Variants in LHFPL6 observed in about 807,000 individuals in gnomAD.
LHFPL6 encodes the protein LHFPL tetraspan subfamily member 6, also known as LHFPL tetraspan subfamily member 6 protein.
Under a neutral mutation model 20.6 loss-of-function variants are expected in LHFPL6, and 9 were observed. The observed-to-expected ratio is 0.44, with a 90% CI of 0.26 to 0.76. The LOEUF (loss-of-function observed/expected upper bound fraction) is 0.76. Among genes scored for constraint, LHFPL6 ranks in the 30% least tolerant of loss-of-function variants. The pLI, the probability that LHFPL6 is intolerant of heterozygous loss-of-function variation, is 0.20. For missense variants in LHFPL6, 218 were observed against 253.5 expected, an observed-to-expected ratio of 0.86 and a Z score of 0.95; for synonymous variants, 105 against 98.7, an observed-to-expected ratio of 1.06 and a Z score of -0.38.
At chr13:39,415,501 A>G (rs1203014284) in intron 2 of LHFPL6, among the ~76,000 whole-genome samples, 2 of 8,448 alleles carry the variant, frequency 2.4e-4, no homozygotes, top group Admixed American at 1.2e-3. Context: ...AAAAATACTG[A>G]AAAAAAAAAA....
intron 2 of LHFPL6, among the ~76,000 whole-genome samples, chr13:39,558,315 G>T (rs1026943366): frequency 6.6e-6 from 1 of 152,094 alleles, no homozygotes; most frequent in Non-Finnish European, 1.5e-5. Flanking sequence ...AACAGATAAG[G>T]TTATAAAGAT....
At chr13:39,568,778 G>A (rs558519624) in intron 2 of LHFPL6, among the ~76,000 whole-genome samples, 18 of 152,248 alleles carry the variant, frequency 1.2e-4, no homozygotes, top group African/African-American at 4.3e-4. Flanking sequence ...TTAGGTGGAG[G>A]CCAGTGCTAC....
At chr13:39,564,269 G>C (rs1871643192) in intron 2 of LHFPL6, among the ~76,000 whole-genome samples, 1 of 152,152 alleles carries the variant, frequency 6.6e-6, no homozygotes, top group South Asian at 2.1e-4. Flanking sequence ...GGGAGTATTT[G>C]ATTTAAAAAA....
intron 3 of LHFPL6, among the ~76,000 whole-genome samples, chr13:39,354,002 A>T (rs1423359073): frequency 6.6e-6 from 1 of 152,202 alleles, no homozygotes; most frequent in Non-Finnish European, 1.5e-5. Context: ...TTTTCAAAAT[A>T]TCCCAGGAGG....
chr13:39,400,235 A>G (rs1156793202), intron 2 of LHFPL6, among the ~76,000 whole-genome samples: 1 of 152,236 alleles, frequency 6.6e-6, no homozygotes, highest in African/African-American at 2.4e-5. Flanking sequence ...CCTTCACTGC[A>G]AATTGGTATT....
chr13:39,566,828 A>AGGTTAAAC (rs1431778109), intron 2 of LHFPL6, among the ~76,000 whole-genome samples: 1 of 151,428 alleles, frequency 6.6e-6, no homozygotes, highest in East Asian at 1.9e-4. Flanking sequence ...TCTAAAACCT[A>AGGTTAAAC]GGTTAAACCC....
At chr13:39,551,851 C>T (rs959692139) in intron 2 of LHFPL6, among the ~76,000 whole-genome samples, 2 of 151,618 alleles carry the variant, frequency 1.3e-5, no homozygotes, top group Non-Finnish European at 2.9e-5. Flanking sequence ...CAAGTTTCGA[C>T]ATCTGAAAGA....
chr13:39,592,485 T>C (rs1872638423), intron 2 of LHFPL6, among the ~76,000 whole-genome samples: 2 of 152,018 alleles, frequency 1.3e-5, no homozygotes, highest in Non-Finnish European at 2.9e-5. Context: ...AATTAATAGC[T>C]TACCAACCAA....
chr13:39,416,981 T>C lies in LHFPL6; in HGVS notation c.386-38455A>G, dbSNP rs370046566. ...ACATGAACATGTTTTTGTTTTAAAA[T>C]GTCATCTGCAGATTTCTTCTAGCCT... On this transcript the variant is annotated intron_variant, in intron 2 of 3. Coordinates refer to ENST00000379589, the MANE Select transcript of LHFPL6 (RefSeq NM_005780.3). Among the ~76,000 whole-genome samples the C allele has an allele frequency of 9.8e-5, 15 of 152,348 alleles. No individual in the cohort carries two copies. In the East Asian group the frequency reaches 2.7e-3, roughly 27 times the overall value.
intron 3 of LHFPL6, among the ~76,000 whole-genome samples, chr13:39,358,767 G>A (rs1869794173): frequency 6.6e-6 from 1 of 152,180 alleles, no homozygotes. Context: ...AGATATACAA[G>A]CGGCCAACAA....
intron 2 of LHFPL6, among the ~76,000 whole-genome samples, chr13:39,488,379 G>A (rs1279573283): frequency 1.3e-5 from 2 of 152,140 alleles, no homozygotes; most frequent in Middle Eastern, 3.2e-3. Context: ...AAAAGGTCAG[G>A]CCTTGACAGT....
At chr13:39,375,358 G>A (rs1035431503) in intron 3 of LHFPL6, among the ~76,000 whole-genome samples, 1 of 152,142 alleles carries the variant, frequency 6.6e-6, no homozygotes, top group Admixed American at 6.6e-5. Context: ...GTGTTCAGGG[G>A]AACAGTAATG....
intron 2 of LHFPL6, among the ~76,000 whole-genome samples, chr13:39,409,815 A>C (rs1212585023): frequency 6.6e-6 from 1 of 152,236 alleles, no homozygotes; most frequent in African/African-American, 2.4e-5. Flanking sequence ...AAGGAAAAGA[A>C]ACAATTCCAA....
At chr13:39,499,563 C>T (rs951659464) in intron 2 of LHFPL6, among the ~76,000 whole-genome samples, 5 of 135,416 alleles carry the variant, frequency 3.7e-5, no homozygotes, top group Non-Finnish European at 5.2e-5. Context: ...TGGCCCTATA[C>T]GCCACCCTTT....
At chr13:39,468,267 T>A (rs1872853871) in intron 2 of LHFPL6, among the ~76,000 whole-genome samples, 1 of 152,242 alleles carries the variant, frequency 6.6e-6, no homozygotes, top group Non-Finnish European at 1.5e-5. Context: ...AATTCATTAC[T>A]TCTTTATTCT....
intron 2 of LHFPL6, among the ~76,000 whole-genome samples, chr13:39,568,721 T>G (rs1015232893): frequency 3.3e-5 from 5 of 152,200 alleles, no homozygotes; most frequent in Non-Finnish European, 7.3e-5. Context: ...AGCTCCAGGC[T>G]CTGGCTCCTT....
chr13:39,432,660 G>A (rs1192664015), intron 2 of LHFPL6, among the ~76,000 whole-genome samples: 4 of 151,918 alleles, frequency 2.6e-5, no homozygotes, highest in African/African-American at 9.7e-5. Context: ...TCCTTCCTTT[G>A]CACTTAGTAT....
intron 2 of LHFPL6, among the ~76,000 whole-genome samples, chr13:39,559,177 G>A (rs2138518059): frequency 6.6e-6 from 1 of 152,300 alleles, no homozygotes. Context: ...GAGGCCAAGG[G>A]AGGACTCAGT....
chr13:39,354,748 A>G (rs2875298), intron 3 of LHFPL6, among the ~76,000 whole-genome samples: 6,715 of 152,242 alleles, frequency 0.044, 266 homozygotes, highest in South Asian at 0.15. Context: ...CACTGCACGA[A>G]TTTCGTAATA....
Sources: allele counts gnomAD v4.1 joint callset (sites outside exome capture counted in the v4.1 genomes callset), GRCh38; gene constraint gnomAD v4.1.1; transcripts MANE v1.5; gene names NCBI Gene and HGNC (gene_info 2026-07-23, HGNC 2026-07-21).